Variants in HHIP observed in about 807,000 individuals in gnomAD.
HHIP encodes hedgehog interacting protein.
A neutral mutation model predicts 74.0 loss-of-function variants in HHIP; 12 were observed. The ratio of observed to expected loss-of-function variants is 0.16; its 90% CI spans 0.10 to 0.26. The LOEUF (loss-of-function observed/expected upper bound fraction) is 0.26, where lower values mean the gene tolerates loss of function less well. HHIP is among the 10% of genes least tolerant of loss of function. The probability of loss-of-function intolerance (pLI) is 1.00; values close to 1 mark genes in which losing one functional copy is unlikely to be tolerated. For synonymous variants in HHIP, 309 were observed against 311.6 expected (o/e 0.99, Z 0.09); for missense variants, 788 against 845.0 (o/e 0.93, Z 0.84).
At chr4:144,691,641 T>C (rs1181915957) in intron 4 of HHIP, among the ~76,000 whole-genome samples, 3 of 152,186 alleles carry the variant, frequency 2.0e-5, no homozygotes, top group Non-Finnish European at 2.9e-5. Flanking sequence ...TAAATGTCTA[T>C]GTATAGGATT....
intron 4 of HHIP, among the ~76,000 whole-genome samples, chr4:144,699,192 G>A (rs1485568698): frequency 3.3e-5 from 5 of 152,132 alleles, no homozygotes; most frequent in African/African-American, 9.7e-5. Flanking sequence ...CATTTCTGCC[G>A]AGCAGGCTAC....
At chr4:144,703,146 G>A (rs988179184) in intron 4 of HHIP, among the ~76,000 whole-genome samples, 5 of 151,778 alleles carry the variant, frequency 3.3e-5, no homozygotes, top group East Asian at 1.9e-4. Flanking sequence ...CCCAGGAGAC[G>A]GAGATTGCAG....
chr4:144,723,347 C>G (rs980415864), intron 11 of HHIP, among the ~76,000 whole-genome samples: 2 of 152,268 alleles, frequency 1.3e-5, no homozygotes, highest in Non-Finnish European at 2.9e-5. Context: ...TCCTCTTCCC[C>G]CCATGGCCCA....
intron 10 of HHIP, among the ~76,000 whole-genome samples, chr4:144,716,583 C>T (rs1271559516): frequency 1.3e-5 from 2 of 152,060 alleles, no homozygotes; most frequent in Non-Finnish European, 2.9e-5. Flanking sequence ...CATGGTGGCT[C>T]ACGCCTGTAA....
intron 11 of HHIP, among the ~76,000 whole-genome samples, chr4:144,724,939 G>A (rs1730755337): frequency 6.6e-6 from 1 of 151,812 alleles, no homozygotes; most frequent in Non-Finnish European, 1.5e-5. Context: ...GAATGTGAAT[G>A]GTGAAGAATA....
intron 4 of HHIP, among the ~76,000 whole-genome samples, chr4:144,684,072 G>A (rs1358917657): frequency 4.2e-5 from 6 of 143,918 alleles, no homozygotes; most frequent in African/African-American, 1.5e-4. Flanking sequence ...AAAAAAAAAA[G>A]AAAAGAAAGA....
intron 4 of HHIP, among the ~76,000 whole-genome samples, chr4:144,663,240 G>A (rs771979145): frequency 3.3e-5 from 5 of 152,062 alleles, no homozygotes; most frequent in Admixed American, 6.6e-5. Context: ...GTTGCAGTGA[G>A]CCAAGATCAT....
intron 10 of HHIP, among the ~76,000 whole-genome samples, chr4:144,716,009 A>C (rs531603360): frequency 6.6e-6 from 1 of 152,326 alleles, no homozygotes; most frequent in African/African-American, 2.4e-5. Flanking sequence ...TGTTTACCAA[A>C]ATGTATGCAG....
chr4:144,672,020 C>T (rs2126608114), intron 4 of HHIP, among the ~76,000 whole-genome samples: 1 of 151,986 alleles, frequency 6.6e-6, no homozygotes, highest in Middle Eastern at 3.4e-3. Flanking sequence ...AATAATAATA[C>T]CTTAGGTCCT....
At position 144,738,253 on chromosome 4, in the gene HHIP, A is replaced by G. The variant is rs1367479547; in HGVS notation, c.*296A>G. On this transcript the variant is annotated 3_prime_UTR_variant, in exon 13 of 13. Coordinates refer to ENST00000296575, the MANE Select transcript of HHIP (RefSeq NM_022475.3). ...ACAGAAATTCCATTGTAAATTGATA[A>G]TGGATTTTTTATGTTACTAGAAGAG... 6 of 1,002,976 alleles carry G rather than the reference A, an allele frequency of 6.0e-6. No homozygotes were observed. The highest frequency in any genetic ancestry group is 5.2e-5 in the African/African-American group (3 of 58,162). 62.1% of individuals were successfully genotyped at this position (1,002,976 alleles called of 1,614,324 possible).
At chr4:144,729,724 C>T (rs1326191591) in intron 11 of HHIP, among the ~76,000 whole-genome samples, 1 of 152,170 alleles carries the variant, frequency 6.6e-6, no homozygotes, top group Non-Finnish European at 1.5e-5. Context: ...AGGAGTAACA[C>T]AGCTCTTATG....
chr4:144,708,210 C>T lies in HHIP; in HGVS notation c.1200C>T (p.Asp400=), dbSNP rs1730199274. The T allele has an allele frequency of 1.2e-6, 2 of 1,614,126 alleles. No individual in the cohort carries two copies. Among genetic ancestry groups the T allele is most frequent in the Non-Finnish European group, 1.7e-6 (2 of 1,179,956 alleles). The part of the protein sequence containing the change: ...GSVLRLDVDT[D]MCNVPYSIPR... ...TGCTACGGCTGGATGTGGACACAGA[C>T]ATGTGCAACGTGCCTTATTCCATAC... is the stretch of plus-strand genomic sequence containing the variant. The change falls in exon 7 of 13, where the codon GAC becomes GAT. Residue 400 remains aspartate (D), a synonymous_variant. Coordinates refer to ENST00000296575, the MANE Select transcript of HHIP (RefSeq NM_022475.3).
intron 4 of HHIP, among the ~76,000 whole-genome samples, chr4:144,689,697 C>T (rs757625647): frequency 1.3e-5 from 2 of 152,204 alleles, no homozygotes; most frequent in Admixed American, 6.5e-5. Context: ...GTTTATTATA[C>T]ATTTTAGCAA....
intron 4 of HHIP, among the ~76,000 whole-genome samples, chr4:144,678,361 A>G (rs151108954): frequency 3.2e-4 from 49 of 152,272 alleles, no homozygotes; most frequent in African/African-American, 1.1e-3. Flanking sequence ...CATTATGTGC[A>G]ATTTAATTAA....
chr4:144,706,533 A>G lies in HHIP; in HGVS notation c.834A>G (p.Gly278=), dbSNP rs1002678236. Residue 278 remains glycine, a splice_region_variant and synonymous_variant, in exon 5 of 13, where the codon GGA becomes GGG. Transcript: ENST00000296575. ...IHKLVQSGIK[G]GDERGLLSLA... ...TTGTGTTTTTCATTTGACTGCAGGG[A>G]GGAGATGAAAGAGGACTGCTAAGCC... 3 of 1,605,380 alleles carry G rather than the reference A, an allele frequency of 1.9e-6. No homozygotes were observed. Among genetic ancestry groups the G allele is most frequent in the African/African-American group, 1.3e-5 (1 of 74,598 alleles).
At position 144,738,745 on chromosome 4, in the gene HHIP, C is replaced by A; in HGVS notation, c.*788C>A. On this transcript the variant is annotated 3_prime_UTR_variant, in exon 13 of 13. Transcript: ENST00000296575. The stretch of plus-strand genomic sequence containing the variant: ...CATCACCTAGATGAAACACCTTTAC[C>A]CTGTCCTGTAAAACACTAAAGTTAC... 1 of 833,496 alleles carries A rather than the reference C, an allele frequency of 1.2e-6. No individual in the cohort carries two copies. The highest frequency in any genetic ancestry group is 1.4e-6 in the Non-Finnish European group (1 of 691,726). 51.6% of individuals were successfully genotyped at this position (833,496 alleles called of 1,614,324 possible). A position where few individuals can be genotyped will look rare whatever the true frequency, so the allele number is the denominator to read the frequency against.
chr4:144,657,825 T>G (rs893519319), intron 2 of HHIP, among the ~76,000 whole-genome samples: 2 of 152,216 alleles, frequency 1.3e-5, no homozygotes, highest in Admixed American at 6.5e-5. Context: ...ATAATTTTTC[T>G]ATTACACATT....
chr4:144,664,812 T>C (rs1210790826), intron 4 of HHIP, among the ~76,000 whole-genome samples: 2 of 152,238 alleles, frequency 1.3e-5, no homozygotes, highest in Non-Finnish European at 2.9e-5. Context: ...CACATTTTTG[T>C]ATACTGAATG....
At chr4:144,648,874 T>C (rs965250103) in intron 1 of HHIP, 1 of 152,174 alleles carries the variant, frequency 6.6e-6, no homozygotes, top group African/African-American at 2.4e-5. Flanking sequence ...GTTAACTATA[T>C]ACATTCCTTT....
Sources: allele counts gnomAD v4.1 joint callset (sites outside exome capture counted in the v4.1 genomes callset), GRCh38; gene constraint gnomAD v4.1.1; transcripts MANE v1.5; gene names NCBI Gene and HGNC (gene_info 2026-07-23, HGNC 2026-07-21).